SLC8A2: variants seen among roughly 807,000 people sequenced by gnomAD.
SLC8A2 encodes solute carrier family 8 member A2, also known as sodium/calcium exchanger 2.
Under a neutral mutation model 70.2 loss-of-function variants are expected in SLC8A2, and 14 were observed. That is an observed-to-expected ratio of 0.20 (90% confidence interval 0.13 to 0.31). The LOEUF is 0.31. Ranked by LOEUF, SLC8A2 falls within the 10% of genes least tolerant of loss-of-function variation. The pLI is 1.00. For missense variants in SLC8A2, 779 were observed against 1,320.1 expected, an observed-to-expected ratio of 0.59 and a Z score of 6.35; for synonymous variants, 575 against 594.3, an observed-to-expected ratio of 0.97 and a Z score of 0.47.
At chr19:47,436,064 G>A (rs759977581) in intron 8 of SLC8A2, among the ~76,000 whole-genome samples, 11 of 152,084 alleles carry the variant, frequency 7.2e-5, no homozygotes, top group Admixed American at 2.0e-4. Flanking sequence ...CCCAACACCA[G>A]GCACCCACCC....
At chr19:47,454,301 G>A (rs1393906998) in intron 3 of SLC8A2, among the ~76,000 whole-genome samples, 2 of 152,180 alleles carry the variant, frequency 1.3e-5, no homozygotes, top group Admixed American at 6.5e-5. Context: ...GGAGTGGAAA[G>A]GTGAAAAGAT....
intron 2 of SLC8A2, among the ~76,000 whole-genome samples, chr19:47,458,893 ATC>A (rs917507723): frequency 5.2e-5 from 7 of 135,038 alleles, no homozygotes; most frequent in Non-Finnish European, 1.1e-4. Context: ...CTCTCTCCCC[ATC>A]TCTCTCTCTC....
chr19:47,437,635 CG>C, intron 7 of SLC8A2, 74 bp from the exon 8 acceptor site: 1 of 1,295,952 alleles, frequency 7.7e-7, no homozygotes, highest in Non-Finnish European at 1.1e-6. Context: ...GGTCCTGGGT[CG>C]GGGGCTCACA....
chr19:47,467,418 G>T (rs1437761953), intron 1 of SLC8A2, among the ~76,000 whole-genome samples: 1 of 152,194 alleles, frequency 6.6e-6, no homozygotes, highest in African/African-American at 2.4e-5. Context: ...GTGTTTGTCT[G>T]TTTCAAGTGG....
rs1357693206 is a variant in SLC8A2 at position 47,448,114 on chromosome 19, G to T, written c.1458C>A (p.Arg486=). The change falls in exon 4 of 10, where the codon CGC becomes CGA. Residue 486 remains arginine, a synonymous_variant. Transcript: ENST00000236877. The surrounding 1 kb of genome is among the most constrained non-coding windows in gnomAD (Gnocchi z 4.8). ...EHFFVRLLNL[R]VGDAQGMFEP... Reference sequence around the variant, plus strand: ...CGAACATGCCCTGCGCGTCGCCCACGCGCAGGTTCAGCAGCCGCACGAAGA... The same window carrying T: ...CGAACATGCCCTGCGCGTCGCCCACTCGCAGGTTCAGCAGCCGCACGAAGA... The T allele has an allele frequency of 3.1e-6, 5 of 1,611,262 alleles. No individual in the cohort carries two copies. The highest frequency in any genetic ancestry group is 4.2e-6 in the Non-Finnish European group (5 of 1,179,138).
intron 8 of SLC8A2, among the ~76,000 whole-genome samples, chr19:47,436,164 C>G (rs1305908179): frequency 6.6e-6 from 1 of 152,212 alleles, no homozygotes; most frequent in East Asian, 1.9e-4. Flanking sequence ...CTCCCTCCTC[C>G]TGGCTGACAT....
rs1223402073 is a variant in SLC8A2, at chr19:47,457,088, G to A, written c.1182C>T (p.Ser394=). 1.3e-6 allele frequency: 2 copies of A among 1,571,800 alleles called. No homozygotes were observed. The highest frequency in any genetic ancestry group is 1.7e-6 in the Non-Finnish European group (2 of 1,159,422). The change falls in exon 3 of 10, where the codon AGC becomes AGT. Residue 394 remains serine (S), a synonymous_variant. Transcript: ENST00000236877. The stretch of plus-strand genomic sequence containing the variant: ...AGAGGCTAGGCTCGAAGAAGATGCG[G>A]CTGGCGCCGTCGTCTTCGTCCTCGC... The part of the protein sequence containing the change: ...GAGEDEDDGA[S]RIFFEPSLYH...
intron 6 of SLC8A2, among the ~76,000 whole-genome samples, chr19:47,439,673 T>G (rs1231247779): frequency 7.5e-6 from 1 of 133,794 alleles, no homozygotes; most frequent in Non-Finnish European, 1.5e-5. Flanking sequence ...CTCTCTTTCT[T>G]ACTTTTCTGA....
At chr19:47,462,549 C>G (rs537295797) in intron 2 of SLC8A2, among the ~76,000 whole-genome samples, 3 of 151,640 alleles carry the variant, frequency 2.0e-5, no homozygotes, top group Admixed American at 2.0e-4. Context: ...CAGGCATGAG[C>G]CTTTGCGCCC....
intron 3 of SLC8A2, among the ~76,000 whole-genome samples, chr19:47,454,768 A>T (rs1967283436): frequency 6.6e-6 from 1 of 152,206 alleles, no homozygotes; most frequent in Non-Finnish European, 1.5e-5. Flanking sequence ...AGCCAGGCAC[A>T]CAGTGGTGGA....
chr19:47,446,681 C>T (rs1008694958), intron 4 of SLC8A2, among the ~76,000 whole-genome samples: 5 of 152,136 alleles, frequency 3.3e-5, no homozygotes, highest in Non-Finnish European at 5.9e-5. Flanking sequence ...AAAGTGCTGG[C>T]ACTACAGACA....
chr19:47,454,344 G>C (rs983442945), intron 3 of SLC8A2, among the ~76,000 whole-genome samples: 1 of 152,212 alleles, frequency 6.6e-6, no homozygotes, highest in Admixed American at 6.5e-5. Flanking sequence ...GGTGAATGCA[G>C]TTCCCTCAAC....
In SLC8A2 at chr19:47,430,383, C is replaced by G. The variant is rs755986771; in HGVS notation, c.2472G>C (p.Val824=). 5 of 1,611,424 alleles carry G rather than the reference C, an allele frequency of 3.1e-6. No individual in the cohort carries two copies. In the South Asian group the frequency reaches 5.5e-5, roughly 18 times the overall value. ...SIGNVTGSNA[V]NVFLGLGVAW... Reference sequence around the variant, plus strand: ...CGACGCCCAGGCCAAGGAACACGTTCACCGCGTTGGAGCCGGTCACGTTGC... The same window carrying G: ...CGACGCCCAGGCCAAGGAACACGTTGACCGCGTTGGAGCCGGTCACGTTGC... The change falls in exon 10 of 10, where the codon GTG becomes GTC. Residue 824 remains valine (V), a synonymous_variant. Transcript: ENST00000236877. This position sits in a 1 kb window ranked among gnomAD's most constrained non-coding sequence, Gnocchi z 5.9.
chr19:47,431,262 C>T (rs1168858678), intron 9 of SLC8A2, among the ~76,000 whole-genome samples: 1 of 152,086 alleles, frequency 6.6e-6, no homozygotes, highest in Non-Finnish European at 1.5e-5. Flanking sequence ...CTCCTGGGCC[C>T]AAGCAATCCT....
chr19:47,465,700 C>G lies in SLC8A2; in HGVS notation c.675+29G>C, dbSNP rs1312932192. On this transcript the variant is annotated intron_variant, in intron 2 of 9. Transcript: ENST00000236877. This position sits in a 1 kb window ranked among gnomAD's most constrained non-coding sequence, Gnocchi z 5.5. ...CTGGATTTTGCAGACACACATGCAC[C>G]AAGAAAGCATCTATGCGTCTTTGCT... is the stretch of plus-strand genomic sequence containing the variant. 6.4e-7 allele frequency: 1 copy of G among 1,566,794 alleles called. No homozygotes were observed. Among genetic ancestry groups the G allele is most frequent in the South Asian group, 1.2e-5 (1 of 85,306 alleles).
chr19:47,455,103 A>T (rs1967288564), intron 3 of SLC8A2, among the ~76,000 whole-genome samples: 2 of 151,972 alleles, frequency 1.3e-5, no homozygotes. Flanking sequence ...AGAAAGGAAG[A>T]GAGGAGAGGA....
chr19:47,431,742 T>C (rs964429324), intron 9 of SLC8A2, among the ~76,000 whole-genome samples: 2 of 148,286 alleles, frequency 1.3e-5, no homozygotes, highest in African/African-American at 4.9e-5. Context: ...TCCCCCAACA[T>C]AGTTCCATGG....
At chr19:47,438,439 G>C (rs1055061406) in intron 6 of SLC8A2, among the ~76,000 whole-genome samples, 96 of 152,130 alleles carry the variant, frequency 6.3e-4, no homozygotes, top group African/African-American at 2.0e-3. Flanking sequence ...GATAGGGGAG[G>C]CCTGGTCTCT....
intron 1 of SLC8A2, among the ~76,000 whole-genome samples, chr19:47,469,936 C>G (rs750406233): frequency 1.3e-5 from 2 of 152,210 alleles, no homozygotes; most frequent in Non-Finnish European, 2.9e-5. Flanking sequence ...ATCAGAAGAA[C>G]AGGACTGCAT....
Sources: allele counts gnomAD v4.1 joint callset (sites outside exome capture counted in the v4.1 genomes callset), GRCh38; gene constraint gnomAD v4.1.1; non-coding constraint Gnocchi (gnomAD v3.1); transcripts MANE v1.5; gene names NCBI Gene and HGNC (gene_info 2026-07-23, HGNC 2026-07-21).